Variants in GPC6 observed in about 807,000 individuals in gnomAD.
The protein encoded by GPC6 is glypican 6.
In GPC6, 14 loss-of-function variants were observed where a neutral mutation model predicts 55.2. The observed-to-expected ratio is 0.25, with a 90% CI of 0.17 to 0.40. GPC6 has a LOEUF of 0.40. GPC6 is among the 10% of genes least tolerant of loss of function. The pLI is 1.00. For synonymous variants in GPC6, 278 were observed against 259.6 expected, an observed-to-expected ratio of 1.07 and a Z score of -0.68; for missense variants, 641 against 708.5, an observed-to-expected ratio of 0.90 and a Z score of 1.08.
intron 2 of GPC6, among the ~76,000 whole-genome samples, chr13:93,637,618 A>G (rs899652313): frequency 2.0e-5 from 3 of 152,180 alleles, no homozygotes; most frequent in South Asian, 2.1e-4. Context: ...GTGATGTTCT[A>G]TAGAAAATGT....
intron 1 of GPC6, among the ~76,000 whole-genome samples, chr13:93,515,060 C>T (rs996650973): frequency 6.6e-6 from 1 of 152,064 alleles, no homozygotes; most frequent in Admixed American, 6.6e-5. Context: ...TATCTGTGTG[C>T]CCCTACAAGA....
At chr13:93,362,778 A>G (rs1296524848) in intron 1 of GPC6, among the ~76,000 whole-genome samples, 1 of 152,134 alleles carries the variant, frequency 6.6e-6, no homozygotes, top group East Asian at 1.9e-4. Context: ...TCAGGAAACA[A>G]CTGTGGTACA....
chr13:93,297,020 G>A (rs568182393), intron 1 of GPC6, among the ~76,000 whole-genome samples: 5 of 152,276 alleles, frequency 3.3e-5, no homozygotes, highest in Non-Finnish European at 5.9e-5. Context: ...TCACGTGTAG[G>A]CTGGAGTTAG....
intron 1 of GPC6, among the ~76,000 whole-genome samples, chr13:93,240,792 A>T (rs754477090): frequency 6.6e-6 from 1 of 151,964 alleles, no homozygotes; most frequent in Non-Finnish European, 1.5e-5. Flanking sequence ...TTTCATTCTG[A>T]TGTTTAGAAT....
At chr13:93,539,154 C>T (rs1882185812) in intron 1 of GPC6, among the ~76,000 whole-genome samples, 1 of 151,980 alleles carries the variant, frequency 6.6e-6, no homozygotes, top group African/African-American at 2.4e-5. Context: ...TGATTTTTGT[C>T]CTTATAATTT....
At chr13:94,399,424 A>G (rs1881035394) in intron 8 of GPC6, among the ~76,000 whole-genome samples, 1 of 152,208 alleles carries the variant, frequency 6.6e-6, no homozygotes, top group Non-Finnish European at 1.5e-5. Context: ...TTTCAAGATG[A>G]CTAACTACAA....
chr13:93,838,424 G>C (rs1205872846), intron 3 of GPC6, among the ~76,000 whole-genome samples: 3 of 152,126 alleles, frequency 2.0e-5, no homozygotes, highest in Non-Finnish European at 4.4e-5. Flanking sequence ...TTCTTGCCAA[G>C]GGCCCAGCAT....
At chr13:93,517,573 C>A (rs964480013) in intron 1 of GPC6, among the ~76,000 whole-genome samples, 10 of 151,906 alleles carry the variant, frequency 6.6e-5, no homozygotes, top group Non-Finnish European at 4.4e-5. Flanking sequence ...GTTCTTTATG[C>A]TTTATTTGGG....
intron 2 of GPC6, among the ~76,000 whole-genome samples, chr13:93,690,792 T>A (rs1355758047): frequency 6.6e-6 from 1 of 152,158 alleles, no homozygotes; most frequent in East Asian, 1.9e-4. Flanking sequence ...TCTATGAAAT[T>A]GCAATTTCAG....
chr13:93,990,938 G>GAGGA (rs763931782), intron 3 of GPC6, among the ~76,000 whole-genome samples: 88 of 146,362 alleles, frequency 6.0e-4, no homozygotes, highest in Non-Finnish European at 1.1e-3. Context: ...CGGGAGGGAG[G>GAGGA]AGGAAGGAAG....
At chr13:93,954,588 T>C (rs1412969865) in intron 3 of GPC6, among the ~76,000 whole-genome samples, 2 of 152,152 alleles carry the variant, frequency 1.3e-5, no homozygotes, top group East Asian at 1.9e-4. Context: ...CTGTGACCTT[T>C]TTCCTACAAC....
At chr13:93,552,523 C>T (rs866519161) in intron 2 of GPC6, among the ~76,000 whole-genome samples, 2 of 151,680 alleles carry the variant, frequency 1.3e-5, no homozygotes, top group South Asian at 4.2e-4. Flanking sequence ...TGAACTTTGA[C>T]AGATCTTTCA....
intron 1 of GPC6, among the ~76,000 whole-genome samples, chr13:93,340,890 A>G (rs938931750): frequency 6.6e-6 from 1 of 152,116 alleles, no homozygotes; most frequent in Non-Finnish European, 1.5e-5. Context: ...CTACCACCGG[A>G]GTACTATATA....
intron 1 of GPC6, among the ~76,000 whole-genome samples, chr13:93,278,032 C>G (rs775234135): frequency 2.0e-5 from 3 of 152,002 alleles, no homozygotes; most frequent in African/African-American, 7.3e-5. Flanking sequence ...TATATTGATA[C>G]TGTAATAATA....
At chr13:93,916,323 G>A (rs934502355) in intron 3 of GPC6, among the ~76,000 whole-genome samples, 11 of 152,014 alleles carry the variant, frequency 7.2e-5, no homozygotes, top group African/African-American at 2.2e-4. Context: ...GGCATAAATC[G>A]GCACTTCTTG....
At chr13:94,017,313 A>G (rs780902807) in intron 3 of GPC6, among the ~76,000 whole-genome samples, 1 of 152,128 alleles carries the variant, frequency 6.6e-6, no homozygotes, top group Non-Finnish European at 1.5e-5. Flanking sequence ...TTATACTGCC[A>G]TGAAGAAGTA....
chr13:93,337,489 T>C (rs541404172), intron 1 of GPC6, among the ~76,000 whole-genome samples: 1 of 151,642 alleles, frequency 6.6e-6, no homozygotes, highest in South Asian at 2.1e-4. Context: ...AGTGCCATTG[T>C]CCTCACTTAA....
At chr13:94,038,560 A>G (rs2138735961) in intron 4 of GPC6, among the ~76,000 whole-genome samples, 1 of 151,948 alleles carries the variant, frequency 6.6e-6, no homozygotes, top group Middle Eastern at 3.4e-3. Flanking sequence ...ACCACTTATA[A>G]CCTGTGTGAC....
intron 2 of GPC6, among the ~76,000 whole-genome samples, chr13:93,789,598 CATATATATATATATAT>C (rs755185604): frequency 0.045 from 3,056 of 67,598 alleles, 107 homozygotes; most frequent in Non-Finnish European, 0.051. Context: ...TATAATACTA[CATATATATATATATAT>C]ATATATATAT....
Sources: allele counts gnomAD v4.1 joint callset (sites outside exome capture counted in the v4.1 genomes callset), GRCh38; gene constraint gnomAD v4.1.1; transcripts MANE v1.5; gene names NCBI Gene and HGNC (gene_info 2026-07-23, HGNC 2026-07-21).